The following MDGA2 variants were observed in gnomAD, a reference collection of about 807,000 sequenced individuals.
MDGA2 encodes MAM domain containing glycosylphosphatidylinositol anchor 2.
MDGA2 carries 40 observed loss-of-function variants against 117.8 expected under a neutral mutation model. That is an observed-to-expected ratio of 0.34 (90% CI 0.26 to 0.44). The LOEUF (loss-of-function observed/expected upper bound fraction) is 0.44, where lower values mean the gene tolerates loss of function less well. Among genes scored for constraint, MDGA2 ranks in the 20% least tolerant of loss-of-function variants. The pLI, the probability that MDGA2 is intolerant of heterozygous loss-of-function variation, is 1.00. For synonymous variants in MDGA2, 452 were observed against 439.0 expected (o/e 1.03, Z -0.37); for missense variants, 1,123 against 1,250.6 (o/e 0.90, Z 1.54).
In MDGA2 at chr14:47,130,295, T is replaced by G. The variant is rs556043184; in HGVS notation, c.925+1419A>C. Among the ~76,000 whole-genome samples, 5 of 152,264 alleles carry G rather than the reference T, an allele frequency of 3.3e-5. No individual in the cohort carries two copies. The East Asian group carries it at 9.7e-4, about 29-fold the overall frequency. On this transcript the variant is annotated intron_variant, in intron 5 of 16. Coordinates refer to ENST00000399232, the MANE Select transcript of MDGA2 (RefSeq NM_001113498.3). Reference sequence around the variant, plus strand: ...TAAGGTGTAAGGAAGGGATCCAGTTTCAGCTTTCTACTTATGGCTAGCCAA... The same window carrying G: ...TAAGGTGTAAGGAAGGGATCCAGTTGCAGCTTTCTACTTATGGCTAGCCAA...
At chr14:46,923,369 A>G (rs1239024158) in intron 9 of MDGA2, among the ~76,000 whole-genome samples, 1 of 152,146 alleles carries the variant, frequency 6.6e-6, no homozygotes, top group Non-Finnish European at 1.5e-5. Context: ...TTATAGATAA[A>G]TAAATGAAGG....
At chr14:47,608,592 G>A (rs1479670288) in intron 1 of MDGA2, among the ~76,000 whole-genome samples, 1 of 152,132 alleles carries the variant, frequency 6.6e-6, no homozygotes, top group African/African-American at 2.4e-5. Flanking sequence ...CTGTAAAAAG[G>A]AAATTCAGAG....
intron 8 of MDGA2, among the ~76,000 whole-genome samples, chr14:47,007,696 A>C (rs1427190248): frequency 6.6e-6 from 1 of 151,908 alleles, no homozygotes; most frequent in East Asian, 1.9e-4. Context: ...AGGTAGGAAA[A>C]TTAAATACAG....
At chr14:47,416,687 G>C (rs12893445) in intron 1 of MDGA2, among the ~76,000 whole-genome samples, 103,320 of 152,034 alleles carry the variant, frequency 0.68, 35,625 homozygotes, top group African/African-American at 0.79. Context: ...TACACTCTCA[G>C]AGCACACGCA....
intron 1 of MDGA2, among the ~76,000 whole-genome samples, chr14:47,367,981 T>C (rs552036996): frequency 2.1e-4 from 32 of 152,088 alleles, no homozygotes; most frequent in African/African-American, 7.2e-4. Flanking sequence ...CCACACACTT[T>C]CTAAAAAGAA....
intron 7 of MDGA2, among the ~76,000 whole-genome samples, chr14:47,046,992 A>T (rs1290737997): frequency 6.6e-6 from 1 of 152,148 alleles, no homozygotes; most frequent in Non-Finnish European, 1.5e-5. Flanking sequence ...TAGAGATAAT[A>T]CCAATTTATT....
intron 9 of MDGA2, among the ~76,000 whole-genome samples, chr14:46,941,024 T>A (rs189783564): frequency 1.8e-3 from 273 of 152,326 alleles, no homozygotes; most frequent in Non-Finnish European, 3.0e-3. Flanking sequence ...TGAACCTGCA[T>A]CACTGTGCCT....
chr14:47,055,923 G>A (rs745492102), intron 7 of MDGA2, among the ~76,000 whole-genome samples: 4 of 152,062 alleles, frequency 2.6e-5, no homozygotes, highest in Non-Finnish European at 5.9e-5. Flanking sequence ...TAATTCAGAG[G>A]TCATGGATTT....
chr14:47,638,387 C>T (rs2138239497), intron 1 of MDGA2, among the ~76,000 whole-genome samples: 1 of 152,212 alleles, frequency 6.6e-6, no homozygotes, highest in East Asian at 1.9e-4. Flanking sequence ...ACAAAAACTG[C>T]CTCTCCATCC....
intron 1 of MDGA2, among the ~76,000 whole-genome samples, chr14:47,330,602 C>G (rs1890266045): frequency 6.6e-6 from 1 of 151,646 alleles, no homozygotes; most frequent in African/African-American, 2.4e-5. Context: ...TGAGCATAAC[C>G]AGTATAACTT....
intron 1 of MDGA2, among the ~76,000 whole-genome samples, chr14:47,553,767 GTATA>G (rs1895632316): frequency 6.6e-6 from 1 of 151,880 alleles, no homozygotes; most frequent in African/African-American, 2.4e-5. Context: ...TGGCATAAAA[GTATA>G]TATGTTGTCT....
intron 10 of MDGA2, among the ~76,000 whole-genome samples, chr14:46,895,527 AC>A (rs1457169661): frequency 6.6e-6 from 1 of 152,118 alleles, no homozygotes; most frequent in Non-Finnish European, 1.5e-5. Flanking sequence ...GGAGTTCAAG[AC>A]CACCCTGGTC....
intron 3 of MDGA2, among the ~76,000 whole-genome samples, chr14:47,151,736 AGTAAT>A (rs1215457512): frequency 2.0e-5 from 3 of 151,848 alleles, no homozygotes; most frequent in Admixed American, 6.6e-5. Flanking sequence ...ACATATATAC[AGTAAT>A]GTAAATAATT....
At chr14:47,603,420 G>A (rs565118166) in intron 1 of MDGA2, among the ~76,000 whole-genome samples, 19 of 152,258 alleles carry the variant, frequency 1.2e-4, no homozygotes, top group Admixed American at 5.2e-4. Flanking sequence ...AATCATCACT[G>A]TCGAAAGACT....
chr14:47,075,831 TTTA>T (rs1377208919), intron 6 of MDGA2, among the ~76,000 whole-genome samples: 1 of 152,104 alleles, frequency 6.6e-6, no homozygotes, highest in African/African-American at 2.4e-5. Context: ...AATCAGCTGG[TTTA>T]TTGTTATTTA....
intron 4 of MDGA2, among the ~76,000 whole-genome samples, chr14:47,135,585 G>A (rs140062027): frequency 4.1e-4 from 63 of 152,104 alleles, no homozygotes; most frequent in African/African-American, 1.5e-3. Context: ...GATAATCTAT[G>A]CTGCATTTCT....
intron 3 of MDGA2, among the ~76,000 whole-genome samples, chr14:47,194,376 T>C (rs144705517): frequency 6.1e-4 from 93 of 152,280 alleles, no homozygotes; most frequent in African/African-American, 2.1e-3. Context: ...CATAGACAAA[T>C]TTAATCATCA....
At chr14:47,235,160 G>A (rs1020676243) in intron 2 of MDGA2, among the ~76,000 whole-genome samples, 5 of 152,082 alleles carry the variant, frequency 3.3e-5, no homozygotes, top group East Asian at 1.9e-4. Context: ...CAGAAGTCAC[G>A]TATCCTACTG....
chr14:47,298,898 G>A (rs1024506643), intron 2 of MDGA2, among the ~76,000 whole-genome samples: 10 of 151,928 alleles, frequency 6.6e-5, no homozygotes, highest in Non-Finnish European at 1.5e-4. Context: ...ACGTTAGCCA[G>A]GATGGTCTCG....
Sources: gnomAD v4.1 joint callset for allele counts (sites outside exome capture counted in the v4.1 genomes callset) on GRCh38, gnomAD v4.1.1 for gene constraint, MANE v1.5 for transcripts, NCBI Gene and HGNC (gene_info 2026-07-23, HGNC 2026-07-21) for gene names.